The following PLCG2 variants were observed in gnomAD, a reference collection of about 807,000 sequenced individuals.
PLCG2 encodes 1-phosphatidylinositol 4,5-bisphosphate phosphodiesterase gamma-2.
PLCG2 carries 69 observed loss-of-function variants against 175.6 expected under a neutral mutation model. That is an observed-to-expected ratio of 0.39 (90% CI 0.32 to 0.48). The LOEUF is 0.48. Ranked by LOEUF, PLCG2 falls within the 20% of genes least tolerant of loss-of-function variation. The pLI is 0.91. For synonymous variants in PLCG2, 827 were observed against 624.0 expected, an observed-to-expected ratio of 1.33 and a Z score of -4.85; for missense variants, 1,798 against 1,650.9, an observed-to-expected ratio of 1.09 and a Z score of -1.54.
intron 2 of PLCG2, among the ~76,000 whole-genome samples, chr16:81,816,140 G>A (rs1030592946): frequency 6.6e-6 from 1 of 152,062 alleles, no homozygotes; most frequent in Non-Finnish European, 1.5e-5. Context: ...GGAGGCTGAG[G>A]CAGGAGGATC....
rs760297794 is a variant in PLCG2 at position 81,927,184 on chromosome 16, T to TC, written c.2514+11dup. The TC allele has an allele frequency of 1.3e-6, 2 of 1,589,758 alleles. No homozygotes were observed. The highest frequency in any genetic ancestry group is 2.7e-5 in the African/African-American group (2 of 74,400). ...TCGAGGAGCTAGAAAAGCAGGTGAG[T>TC]CCCCCTCTTCGATCCTCTTACAGGA... is the stretch of plus-strand genomic sequence containing the variant. On this transcript the variant is annotated splice_region_variant and intron_variant, in intron 23 of 32. Transcript: ENST00000564138.
intron 31 of PLCG2, among the ~76,000 whole-genome samples, chr16:81,952,232 G>T (rs1400121315): frequency 1.3e-5 from 2 of 151,932 alleles, no homozygotes; most frequent in African/African-American, 4.8e-5. Flanking sequence ...GGAATTGGAG[G>T]TATCAATATA....
At chr16:81,783,594 A>G (rs1282192100) in intron 1 of PLCG2, among the ~76,000 whole-genome samples, 3 of 152,198 alleles carry the variant, frequency 2.0e-5, no homozygotes, top group Non-Finnish European at 4.4e-5. Flanking sequence ...GACTTTGATC[A>G]AGTAATGTGA....
chr16:81,809,109 G>T (rs1232150816), intron 2 of PLCG2, among the ~76,000 whole-genome samples: 1 of 152,206 alleles, frequency 6.6e-6, no homozygotes, highest in Middle Eastern at 3.2e-3. Context: ...GTCTCTCTGA[G>T]CATGGTGACT....
intron 19 of PLCG2, among the ~76,000 whole-genome samples, chr16:81,919,202 A>G (rs542053577): frequency 1.3e-5 from 2 of 152,340 alleles, no homozygotes; most frequent in African/African-American, 4.8e-5. Context: ...GGAAGCTCCT[A>G]AAGTCAAGTC....
rs1489788909 is a variant in PLCG2, at chr16:81,937,852, C to T, written c.3147C>T (p.Asp1049=). The part of the protein sequence containing the change: ...QPESMRTEKY[D]PMPPESQRKI... ...AGAGCATGAGGACAGAGAAATATGA[C>T]CCGATGCCACCCGAGTCCCAGAGGA... Residue 1049 remains aspartate (D), a synonymous_variant, in exon 28 of 33, where the codon GAC becomes GAT. Transcript: ENST00000564138. 6.2e-7 allele frequency: 1 copy of T among 1,614,074 alleles called. No homozygotes were observed. The highest frequency in any genetic ancestry group is 1.1e-5 in the South Asian group (1 of 91,074).
At chr16:81,885,088 G>A (rs1398370036) in intron 9 of PLCG2, among the ~76,000 whole-genome samples, 2 of 148,398 alleles carry the variant, frequency 1.3e-5, no homozygotes, top group African/African-American at 5.0e-5. Flanking sequence ...GTCTTGCTCT[G>A]TCACCAGGCT....
At chr16:81,902,128 C>G (rs1366966184) in intron 14 of PLCG2, among the ~76,000 whole-genome samples, 2 of 152,200 alleles carry the variant, frequency 1.3e-5, no homozygotes, top group African/African-American at 4.8e-5. Flanking sequence ...CTCTACTGTT[C>G]TGTGCATGAG....
At chr16:81,790,592 G>A (rs1179356737) in intron 2 of PLCG2, among the ~76,000 whole-genome samples, 1 of 152,202 alleles carries the variant, frequency 6.6e-6, no homozygotes, top group East Asian at 1.9e-4. Flanking sequence ...GCTGGTTACT[G>A]TGGGGTCTGC....
intron 2 of PLCG2, among the ~76,000 whole-genome samples, chr16:81,789,530 C>T (rs1310571338): frequency 1.3e-5 from 2 of 152,172 alleles, no homozygotes; most frequent in Non-Finnish European, 2.9e-5. Context: ...CTCAAGTGAT[C>T]CTCCCACCTT....
At chr16:81,858,182 G>C in intron 3 of PLCG2, 81 bp from the exon 4 acceptor site, 2 of 969,036 alleles carry the variant, frequency 2.1e-6, no homozygotes, top group South Asian at 2.6e-5. Context: ...CCATCTTCGT[G>C]ATCTGTATGG....
intron 2 of PLCG2, among the ~76,000 whole-genome samples, chr16:81,761,330 A>G (rs1035362836): frequency 4.6e-5 from 7 of 152,282 alleles, no homozygotes; most frequent in East Asian, 3.9e-4. Flanking sequence ...AAGCCGCTAC[A>G]CTCCAGCCTG....
At chr16:81,774,485 C>G (rs1910354328), upstream of PLCG2, among the ~76,000 whole-genome samples, 1 of 152,328 alleles carries the variant, frequency 6.6e-6, no homozygotes, top group African/African-American at 2.4e-5. Context: ...GTGGTACTTC[C>G]TCTCACAGAG....
chr16:81,760,254 G>T (rs1360740641), intron 2 of PLCG2, among the ~76,000 whole-genome samples: 1 of 152,326 alleles, frequency 6.6e-6, no homozygotes. Flanking sequence ...AGGTGGGATT[G>T]CTCGAGTAGA....
chr16:81,806,793 A>G (rs1252237706), intron 2 of PLCG2, among the ~76,000 whole-genome samples: 9 of 150,840 alleles, frequency 6.0e-5, no homozygotes, highest in African/African-American at 1.5e-4. Context: ...CTGTGTAGAT[A>G]AGTGTTTTGA....
chr16:81,879,965 G>T (rs1448445554), intron 7 of PLCG2, among the ~76,000 whole-genome samples: 1 of 152,194 alleles, frequency 6.6e-6, no homozygotes, highest in Non-Finnish European at 1.5e-5. Flanking sequence ...AAATACTAAA[G>T]ATTTGAAATG....
At chr16:81,825,885 T>C (rs1905025395) in intron 2 of PLCG2, among the ~76,000 whole-genome samples, 1 of 152,140 alleles carries the variant, frequency 6.6e-6, no homozygotes, top group African/African-American at 2.4e-5. Flanking sequence ...AAGGCTAAGA[T>C]TGTCACATAG....
At chr16:81,810,969 G>T (rs1904313554) in intron 2 of PLCG2, among the ~76,000 whole-genome samples, 1 of 152,172 alleles carries the variant, frequency 6.6e-6, no homozygotes, top group South Asian at 2.1e-4. Flanking sequence ...GCAGCCCAGG[G>T]AACAGCAGCG....
chr16:81,824,644 G>A (rs768704193), intron 2 of PLCG2, among the ~76,000 whole-genome samples: 11 of 152,256 alleles, frequency 7.2e-5, no homozygotes, highest in South Asian at 2.1e-4. Context: ...CAGATTCAGC[G>A]GTTATAATTA....
Sources: gnomAD v4.1 joint callset for allele counts (sites outside exome capture counted in the v4.1 genomes callset) on GRCh38, gnomAD v4.1.1 for gene constraint, MANE v1.5 for transcripts, NCBI Gene and HGNC (gene_info 2026-07-23, HGNC 2026-07-21) for gene names.